The following STARD9 variants were observed in gnomAD, a reference collection of about 807,000 sequenced individuals.
The protein encoded by STARD9 is stAR-related lipid transfer protein 9.
STARD9 carries 346 observed loss-of-function variants against 399.8 expected under a neutral mutation model. That is an observed-to-expected ratio of 0.87 (90% CI 0.79 to 0.95). The LOEUF (loss-of-function observed/expected upper bound fraction) is 0.95. Ranked by LOEUF, STARD9 falls within the 40% of genes least tolerant of loss-of-function variation. STARD9 has a pLI of 0.00. For missense variants in STARD9, 5,832 were observed against 5,667.5 expected, an observed-to-expected ratio of 1.03 and a Z score of -0.93; for synonymous variants, 2,203 against 2,143.5, an observed-to-expected ratio of 1.03 and a Z score of -0.77.
chr15:42,681,293 C>T (rs1345988720), intron 20 of STARD9, 129 bp from the exon 21 acceptor site: 11 of 914,206 alleles, frequency 1.2e-5, no homozygotes, highest in Non-Finnish European at 1.7e-5. Flanking sequence ...TCCAAGGTTG[C>T]CAGAAGTCCA....
intron 12 of STARD9, 139 bp from the exon 13 acceptor site, chr15:42,663,681 T>G (rs2060033108): frequency 2.8e-6 from 2 of 715,814 alleles, no homozygotes; most frequent in African/African-American, 3.5e-5. Context: ...GTACTCTATC[T>G]CAGAGAAAGG....
intron 26 of STARD9, among the ~76,000 whole-genome samples, chr15:42,709,058 G>A (rs2061152516): frequency 1.3e-5 from 2 of 152,068 alleles, no homozygotes; most frequent in Admixed American, 1.3e-4. Context: ...TTAAGGTGGT[G>A]GTTGGGGGTC....
At chr15:42,695,401 G>A in intron 25 of STARD9, 78 bp downstream of exon 25, 1 of 1,323,374 alleles carries the variant, frequency 7.6e-7, no homozygotes, top group Non-Finnish European at 1.0e-6. Context: ...GGCCGCCTCT[G>A]AGTCTTGGGA....
intron 7 of STARD9, among the ~76,000 whole-genome samples, chr15:42,647,488 G>A (rs1007612488): frequency 6.6e-6 from 1 of 152,066 alleles, no homozygotes; most frequent in Non-Finnish European, 1.5e-5. Flanking sequence ...CATTGTGAAG[G>A]ATTTTTCTTT....
In STARD9 at chr15:42,717,810, G is replaced by T. The variant is rs1208765317; in HGVS notation, c.13559+15G>T. 16 of 1,536,734 alleles carry T rather than the reference G, an allele frequency of 1.0e-5. No individual in the cohort carries two copies. Among genetic ancestry groups the T allele is most frequent in the Non-Finnish European group, 1.3e-5 (15 of 1,146,546 alleles). On this transcript the variant is annotated intron_variant, in intron 29 of 32. Transcript: ENST00000290607. ...GCTGGCTGGAAGTAAGTTTGTTTAG[G>T]GTCCTTTGTACAGTGTCTGTCTTGG...
At chr15:42,717,211 G>T (rs559353595) in intron 28 of STARD9, among the ~76,000 whole-genome samples, 163 bp downstream of exon 28, 1 of 152,132 alleles carries the variant, frequency 6.6e-6, no homozygotes, top group Admixed American at 6.6e-5. Context: ...CGGGTCAGGC[G>T]CAGTAGCTCA....
At chr15:42,639,945 C>G (rs2059500974) in intron 7 of STARD9, among the ~76,000 whole-genome samples, 1 of 151,838 alleles carries the variant, frequency 6.6e-6, no homozygotes, top group Non-Finnish European at 1.5e-5. Context: ...TTTTTAGCCA[C>G]AAGGTCTTAT....
chr15:42,585,614 C>A lies in STARD9; in HGVS notation c.211C>A (p.Pro71Thr). ...CTACTGGTCAGTCAACCCAGAGGAT[C>A]CCCAGTATGCATCTCAAGATGTGGT... ...YCYWSVNPED[P>T]QYASQDVVFQ... Residue 71 changes from proline to threonine, a missense_variant, in exon 3 of 33, where the codon CCC becomes ACC. Pro to Thr is a conservative substitution (Grantham distance 38). Coordinates refer to ENST00000290607, the MANE Select transcript of STARD9 (RefSeq NM_020759.3). The A allele has an allele frequency of 6.5e-7, 1 of 1,535,240 alleles. No individual in the cohort carries two copies. The highest frequency in any genetic ancestry group is 8.7e-7 in the Non-Finnish European group (1 of 1,145,198).
At chr15:42,629,147 G>A (rs1474698198) in intron 3 of STARD9, among the ~76,000 whole-genome samples, 1 of 151,974 alleles carries the variant, frequency 6.6e-6, no homozygotes, top group African/African-American at 2.4e-5. Flanking sequence ...AGCCTCCCAA[G>A]TAGCCAGGAC....
In STARD9 at chr15:42,719,520, C is replaced by T; in HGVS notation, c.14049C>T (p.Phe4683=). The stretch of plus-strand genomic sequence containing the variant: ...TCCCACCTCAGCTCCTGAGCTCTTT[C>T]ATCAAACGGCAGCCACTGGTTATAG... ...PGFPPQLLSS[F]IKRQPLVIAR... Residue 4683 remains phenylalanine (F), a synonymous_variant, in exon 33 of 33, where the codon TTC becomes TTT. Transcript: ENST00000290607. The T allele has an allele frequency of 1.3e-6, 2 of 1,537,230 alleles. No individual in the cohort carries two copies. Among genetic ancestry groups the T allele is most frequent in the Non-Finnish European group, 1.7e-6 (2 of 1,146,884 alleles).
Position 42,690,385 on chromosome 15 carries a change from G to A in STARD9, c.8807G>A (p.Gly2936Asp). The change falls in exon 23 of 33, where the codon GGC becomes GAC. Residue 2936 changes from glycine to aspartate, a missense_variant. Physicochemically the swap from Gly to Asp is moderately conservative, Grantham distance 94. This residue lies in a region of STARD9 where 5,828 missense variants were observed against 5,651.1 expected (regional missense o/e 1.03). Transcript: ENST00000290607. ...DGPVFSRNPE[G>D]SRTLSPSRGK... is the part of the protein sequence containing the mutation. The stretch of plus-strand genomic sequence containing the variant: ...CCTGTCTTCTCAAGGAACCCTGAAG[G>A]CAGCAGGACTCTCAGCCCGTCTAGA... The A allele has an allele frequency of 3.3e-6, 5 of 1,535,042 alleles. No homozygotes were observed. Among genetic ancestry groups the A allele is most frequent in the East Asian group, 2.4e-5 (1 of 40,924 alleles).
chr15:42,604,913 G>A (rs1318541187), intron 3 of STARD9, among the ~76,000 whole-genome samples: 2 of 152,126 alleles, frequency 1.3e-5, no homozygotes, highest in African/African-American at 4.8e-5. Context: ...AAAGTGCTGG[G>A]ATTACAGGTG....
At chr15:42,702,467 A>G (rs551591204) in intron 26 of STARD9, among the ~76,000 whole-genome samples, 11 of 152,022 alleles carry the variant, frequency 7.2e-5, no homozygotes, top group African/African-American at 2.4e-4. Flanking sequence ...CTCCCAAAGT[A>G]TTGGGATTAC....
intron 1 of STARD9, 99 bp from the exon 2 acceptor site, chr15:42,583,247 A>T: frequency 1.2e-6 from 1 of 814,666 alleles, no homozygotes; most frequent in Non-Finnish European, 1.9e-6. Context: ...TTAAGGGTAC[A>T]GCAGTAGGGA....
Position 42,662,808 on chromosome 15 carries a change from C to T in STARD9, c.785C>T (p.Pro262Leu). The T allele has an allele frequency of 6.5e-7, 1 of 1,536,984 alleles. No homozygotes were observed. Among genetic ancestry groups the T allele is most frequent in the East Asian group, 2.4e-5 (1 of 40,886 alleles). Residue 262 changes from proline (P) to leucine (L), a missense_variant, in exon 11 of 33, where the codon CCC becomes CTC. By Grantham distance (98) the Pro-to-Leu change is moderately conservative. Coordinates refer to ENST00000290607, the MANE Select transcript of STARD9 (RefSeq NM_020759.3). ...VDLAGSERADPSYCKDRIAEG... is the reference protein window; with the variant it reads ...VDLAGSERADLSYCKDRIAEG... ...CTGTGTTTTAGCGAAAGAGCAGATCCCAGTTACTGTAAGGACCGCATTGCT... is the reference window on the plus strand; with the variant it reads ...CTGTGTTTTAGCGAAAGAGCAGATCTCAGTTACTGTAAGGACCGCATTGCT...
At chr15:42,714,108 G>C (rs563649244) in intron 26 of STARD9, among the ~76,000 whole-genome samples, 3 of 143,874 alleles carry the variant, frequency 2.1e-5, no homozygotes, top group African/African-American at 8.0e-5. Flanking sequence ...TGTCCCCCAG[G>C]CTGGAGGGCA....
At chr15:42,589,797 G>A (rs1251193087) in intron 3 of STARD9, among the ~76,000 whole-genome samples, 1 of 150,954 alleles carries the variant, frequency 6.6e-6, no homozygotes, top group South Asian at 2.1e-4. Context: ...AGTAGAGACG[G>A]GGTTTCACTA....
At chr15:42,665,692 A>T (rs1192254439) in intron 14 of STARD9, 94 bp from the exon 15 acceptor site, 3 of 972,264 alleles carry the variant, frequency 3.1e-6, no homozygotes, top group Non-Finnish European at 4.6e-6. Context: ...TTTTTCCTTT[A>T]TCTGCATCTT....
At chr15:42,626,612 T>C (rs539435768) in intron 3 of STARD9, among the ~76,000 whole-genome samples, 59 of 152,056 alleles carry the variant, frequency 3.9e-4, no homozygotes, top group African/African-American at 1.3e-3. Flanking sequence ...ATGATTCTCT[T>C]GTCTCAGCCT....
Sources: allele counts gnomAD v4.1 joint callset (sites outside exome capture counted in the v4.1 genomes callset), GRCh38; gene constraint gnomAD v4.1.1; regional missense constraint gnomAD v4.1.1; transcripts MANE v1.5; gene names NCBI Gene and HGNC (gene_info 2026-07-23, HGNC 2026-07-21).